Variants in TMEM81 observed in about 807,000 individuals in gnomAD.
TMEM81 encodes the protein transmembrane protein 81.
For synonymous variants in TMEM81, 132 were observed against 119.1 expected, an observed-to-expected ratio of 1.11 and a Z score of -0.71; for missense variants, 294 against 300.5, an observed-to-expected ratio of 0.98 and a Z score of 0.16.
chr1:205,083,624 C>A lies in TMEM81; in HGVS notation c.697G>T (p.Ala233Ser). Residue 233 changes from alanine to serine, a missense_variant, in exon 1 of 1, where the codon GCC becomes TCC. Coordinates refer to ENST00000367167, the MANE Select transcript of TMEM81 (RefSeq NM_203376.2). ...KVASALGIGI[A>S]IGVVGGVLVR... ...AACACGCCACCAACCACTCCAATGGCAATTCCTATTCCCAAGGCTGACGCC... is the reference window on the plus strand; with the variant it reads ...AACACGCCACCAACCACTCCAATGGAAATTCCTATTCCCAAGGCTGACGCC... 6 of 1,614,200 alleles carry A rather than the reference C, an allele frequency of 3.7e-6. No individual in the cohort carries two copies. The highest frequency in any genetic ancestry group is 4.2e-6 in the Non-Finnish European group (5 of 1,180,026).
chr1:205,083,548 A>C lies in TMEM81; in HGVS notation c.*5T>G. ...AGGAGCAAGGCTGTTAAGTTCTTGA[A>C]GCTGTCACTGCTGCAGGCCCCCCCT... On this transcript the variant is annotated 3_prime_UTR_variant, in exon 1 of 1. Coordinates refer to ENST00000367167, the MANE Select transcript of TMEM81 (RefSeq NM_203376.2). 6.3e-7 allele frequency: 1 copy of C among 1,592,418 alleles called. No individual in the cohort carries two copies. Among genetic ancestry groups the C allele is most frequent in the Non-Finnish European group, 8.6e-7 (1 of 1,167,560 alleles).
rs746966298 is a variant in TMEM81 at position 205,084,185 on chromosome 1, C to CATCA, written c.135_136insTGAT (p.Ala46Ter). The CATCA allele has an allele frequency of 1.9e-6, 3 of 1,614,200 alleles. No homozygotes were observed. In the Admixed American group the frequency reaches 5.0e-5, roughly 27 times the overall value. On this transcript the variant is annotated stop_gained and frameshift_variant, in exon 1 of 1. Coordinates refer to ENST00000367167, the MANE Select transcript of TMEM81 (RefSeq NM_203376.2). LOFTEE classifies it low-confidence loss of function (END_TRUNC). ...CCACAGGTGACAGTACAGGTTGTGG[C>CATCA]ATTGATGATAACTTTCCCCACAGCT... is the stretch of plus-strand genomic sequence containing the variant.
Position 205,084,286 on chromosome 1 carries a change from C to A in TMEM81, c.35G>T (p.Ser12Ile), listed in dbSNP as rs1266357731. 4 of 1,613,978 alleles carry A rather than the reference C, an allele frequency of 2.5e-6. No individual in the cohort carries two copies. Among genetic ancestry groups the A allele is most frequent in the South Asian group, 2.2e-5 (2 of 91,054 alleles). The part of the protein sequence containing the change: ...KVLATSFVLG[S>I]LGLAFYLPLV... ...AGGCAGGTAGAAGGCCAACCCCAGGCTCCCAAGGACAAAACTAGTGGCTAA... is the reference window on the plus strand; with the variant it reads ...AGGCAGGTAGAAGGCCAACCCCAGGATCCCAAGGACAAAACTAGTGGCTAA... The change falls in exon 1 of 1, where the codon AGC (serine) becomes ATC (isoleucine). Residue 12 changes from serine (S) to isoleucine (I), a missense_variant. Ser to Ile is a moderately radical substitution (Grantham distance 142, BLOSUM62 -2). Transcript: ENST00000367167.
rs4951168 is a variant in TMEM81, at chr1:205,084,091, C to T, written c.230G>A (p.Arg77Gln). Residue 77 changes from arginine to glutamine, a missense_variant, in exon 1 of 1, where the codon CGG becomes CAG. Physicochemically the swap from Arg to Gln is conservative, Grantham distance 43. Transcript: ENST00000367167. ...PDGVRRKCQTRRLECLTNWIC... is the reference protein window; with the variant it reads ...PDGVRRKCQTQRLECLTNWIC... ...CCAGTTGGTCAGACATTCTAAGCGC[C>T]GAGTCTGACATTTCCTTCTCACTCC... The T allele has an allele frequency of 0.86, 1,390,696 of 1,613,970 alleles. 602,838 individuals are homozygous for T. The highest frequency in any genetic ancestry group is 0.97 in the East Asian group (43,412 of 44,864).
In TMEM81 at chr1:205,084,073, G is replaced by A; in HGVS notation, c.248C>T (p.Thr83Ile). The change falls in exon 1 of 1, where the codon ACC (threonine) becomes ATC (isoleucine). Residue 83 changes from threonine (T) to isoleucine (I), a missense_variant. By Grantham distance (89) the Thr-to-Ile change is moderately conservative. Transcript: ENST00000367167. ...KCQTRRLECLTNWICGMLHFT... is the reference protein window; with the variant it reads ...KCQTRRLECLINWICGMLHFT... ...ATGGAGCATCCCACAGATCCAGTTG[G>A]TCAGACATTCTAAGCGCCGAGTCTG... 6.2e-7 allele frequency: 1 copy of A among 1,614,188 alleles called. No individual in the cohort carries two copies. The highest frequency in any genetic ancestry group is 1.1e-5 in the South Asian group (1 of 91,084).
rs569176487 is a variant in TMEM81, at chr1:205,083,846, G to A, written c.475C>T (p.Arg159Cys). The A allele has an allele frequency of 6.4e-5, 103 of 1,614,202 alleles. 2 individuals are homozygous for A. The South Asian group carries it at 9.1e-4, about 14-fold the overall frequency. Reference sequence around the variant, plus strand: ...TTTTTTACCAGCTGCACATCACAGCGATATGTCCCAGAGTCATACTCCTGA... The same window carrying A: ...TTTTTTACCAGCTGCACATCACAGCAATATGTCCCAGAGTCATACTCCTGA... ...YAQEYDSGTY[R>C]CDVQLVKNLR... The change falls in exon 1 of 1, where the codon CGC becomes TGC. Residue 159 changes from arginine to cysteine, a missense_variant. Physicochemically the swap from Arg to Cys is radical, Grantham distance 180. Coordinates refer to ENST00000367167, the MANE Select transcript of TMEM81 (RefSeq NM_203376.2).
In TMEM81 at chr1:205,083,224, G is replaced by A. The variant is rs1346952184; in HGVS notation, c.*329C>T. 9 of 288,870 alleles carry A rather than the reference G, an allele frequency of 3.1e-5. No individual in the cohort carries two copies. Among genetic ancestry groups the A allele is most frequent in the Admixed American group, 2.8e-4 (6 of 21,192 alleles). The allele number at this position is 288,870 out of a possible 1,614,324, so 17.9% of individuals were successfully genotyped here. A position where few individuals can be genotyped will look rare whatever the true frequency, so the allele number is the denominator to read the frequency against. On this transcript the variant is annotated 3_prime_UTR_variant, in exon 1 of 1. Coordinates refer to ENST00000367167, the MANE Select transcript of TMEM81 (RefSeq NM_203376.2). ...ACAGCTCAGAAGAGGGGAAATGGAG[G>A]TGGGGAGGCATCCAAGTCATAAAGG...
In TMEM81 at chr1:205,083,569, C is replaced by T. The variant is rs1486502062; in HGVS notation, c.752G>A (p.Gly251Glu). The change falls in exon 1 of 1, where the codon GGG becomes GAG. Residue 251 changes from glycine (G) to glutamate (E), a missense_variant. Transcript: ENST00000367167. ...TTGAAGCTGTCACTGCTGCAGGCCCCCCCTTAGCGCACAGAGGACAATCCT... is the reference window on the plus strand; with the variant it reads ...TTGAAGCTGTCACTGCTGCAGGCCCTCCCTTAGCGCACAGAGGACAATCCT... ...LVRIVLCALR[G>E]GLQQ is the part of the protein sequence containing the mutation. 3 of 1,605,956 alleles carry T rather than the reference C, an allele frequency of 1.9e-6. No homozygotes were observed. In the South Asian group the frequency reaches 3.3e-5, roughly 18 times the overall value.
rs1291782969 is a variant in TMEM81 at position 205,083,497 on chromosome 1, T to C, written c.*56A>G. 2 of 1,537,510 alleles carry C rather than the reference T, an allele frequency of 1.3e-6. No homozygotes were observed. Among genetic ancestry groups the C allele is most frequent in the Admixed American group, 2.0e-5 (1 of 50,212 alleles). ...TGGAACACTCCCCTAAAAAGCTAGCTTGGCTTCCTGGGCAGCCAGTTCTTC... is the reference window on the plus strand; with the variant it reads ...TGGAACACTCCCCTAAAAAGCTAGCCTGGCTTCCTGGGCAGCCAGTTCTTC... On this transcript the variant is annotated 3_prime_UTR_variant, in exon 1 of 1. Coordinates refer to ENST00000367167, the MANE Select transcript of TMEM81 (RefSeq NM_203376.2).
chr1:205,083,888 C>A lies in TMEM81; in HGVS notation c.433G>T (p.Val145Leu). 3.1e-6 allele frequency: 5 copies of A among 1,614,196 alleles called. No homozygotes were observed. Among genetic ancestry groups the A allele is most frequent in the Non-Finnish European group, 4.2e-6 (5 of 1,180,048 alleles). Residue 145 changes from valine (V) to leucine (L), a missense_variant, in exon 1 of 1, where the codon GTG becomes TTG. Val to Leu is a conservative substitution (Grantham distance 32). Coordinates refer to ENST00000367167, the MANE Select transcript of TMEM81 (RefSeq NM_203376.2). ...FKPFQANSHF[V>L]KFKYAQEYDS... Reference sequence around the variant, plus strand: ...TACTCCTGAGCATATTTAAACTTCACAAAGTGGGAGTTGGCTTGAAAGGGT... The same window carrying A: ...TACTCCTGAGCATATTTAAACTTCAAAAAGTGGGAGTTGGCTTGAAAGGGT...
chr1:205,083,621 T>A lies in TMEM81; in HGVS notation c.700A>T (p.Ile234Phe). The A allele has an allele frequency of 6.2e-7, 1 of 1,614,208 alleles. No individual in the cohort carries two copies. Among genetic ancestry groups the A allele is most frequent in the East Asian group, 2.2e-5 (1 of 44,876 alleles). Residue 234 changes from isoleucine to phenylalanine, a missense_variant, in exon 1 of 1, where the codon ATT becomes TTT. Transcript: ENST00000367167. The part of the protein sequence containing the change: ...VASALGIGIA[I>F]GVVGGVLVRI... ...ACCAACACGCCACCAACCACTCCAA[T>A]GGCAATTCCTATTCCCAAGGCTGAC...
rs758226146 is a variant in TMEM81 at position 205,083,915 on chromosome 1, TG to T, written c.405del (p.Phe135LeufsTer11). On this transcript the variant is annotated frameshift_variant, in exon 1 of 1. Transcript: ENST00000367167. LOFTEE classifies it low-confidence loss of function (END_TRUNC). The stretch of plus-strand genomic sequence containing the variant: ...AAGTGGGAGTTGGCTTGAAAGGGTT[TG>T]AAGACCTCATCGTCAGTGGAGATGA... ...RGVISTDDEV[F>X]KPFQANSHFV... 6 of 1,614,202 alleles carry T rather than the reference TG, an allele frequency of 3.7e-6. No homozygotes were observed. Among genetic ancestry groups the T allele is most frequent in the Non-Finnish European group, 4.2e-6 (5 of 1,180,036 alleles).
rs1175334928 is a variant in TMEM81 at position 205,083,727 on chromosome 1, C to A, written c.594G>T (p.Gln198His). 6.2e-7 allele frequency: 1 copy of A among 1,614,238 alleles called. No individual in the cohort carries two copies. Among genetic ancestry groups the A allele is most frequent in the Non-Finnish European group, 8.5e-7 (1 of 1,180,046 alleles). The change falls in exon 1 of 1, where the codon CAG becomes CAT. Residue 198 changes from glutamine (Q) to histidine (H), a missense_variant. Gln to His is a conservative substitution (Grantham distance 24). Coordinates refer to ENST00000367167, the MANE Select transcript of TMEM81 (RefSeq NM_203376.2). ...LNFHQSLTED[Q>H]KLIDEGLEVN... ...CTTCCAATCCCTCATCTATTAACTT[C>A]TGATCCTCAGTAAGTGACTGATGGA...
Position 205,084,368 on chromosome 1 carries a change from C to A in TMEM81, c.-48G>T, listed in dbSNP as rs754501831. 4 of 1,553,200 alleles carry A rather than the reference C, an allele frequency of 2.6e-6. No homozygotes were observed. The highest frequency in any genetic ancestry group is 1.2e-5 in the South Asian group (1 of 81,840). On this transcript the variant is annotated 5_prime_UTR_variant, in exon 1 of 1. Transcript: ENST00000367167. ...CCTCAGCCAGCACCCACAAGGTATT[C>A]CAGCTGAATCCTCTATAAATCATAA...
chr1:205,084,213 T>C lies in TMEM81; in HGVS notation c.108A>G (p.Gln36=), dbSNP rs764228489. 3.7e-6 allele frequency: 6 copies of C among 1,614,162 alleles called. No individual in the cohort carries two copies. The highest frequency in any genetic ancestry group is 1.1e-5 in the South Asian group (1 of 91,076). Residue 36 remains glutamine (Q), a synonymous_variant, in exon 1 of 1, where the codon CAA becomes CAG. Transcript: ENST00000367167. The stretch of plus-strand genomic sequence containing the variant: ...TGATGATAACTTTCCCCACAGCTTC[T>C]TGCAGCTTCTCAGGGATGGCCAGTG... ...PKTLAIPEKL[Q]EAVGKVIINA... is the part of the protein sequence containing the mutation.
chr1:205,083,733 C>G lies in TMEM81; in HGVS notation c.588G>C (p.Glu196Asp). ...VNLNFHQSLT[E>D]DQKLIDEGLE... ...ATCCCTCATCTATTAACTTCTGATC[C>G]TCAGTAAGTGACTGATGGAAATTCA... Residue 196 changes from glutamate (E) to aspartate (D), a missense_variant, in exon 1 of 1, where the codon GAG becomes GAC. Glu to Asp is a conservative substitution (Grantham distance 45, BLOSUM62 2). Transcript: ENST00000367167. 6.2e-7 allele frequency: 1 copy of G among 1,614,170 alleles called. No individual in the cohort carries two copies. Among genetic ancestry groups the G allele is most frequent in the Non-Finnish European group, 8.5e-7 (1 of 1,180,032 alleles).
chr1:205,084,353 C>CA lies in TMEM81; in HGVS notation c.-34dup. 1 of 1,592,276 alleles carries CA rather than the reference C, an allele frequency of 6.3e-7. No homozygotes were observed. The highest frequency in any genetic ancestry group is 8.6e-7 in the Non-Finnish European group (1 of 1,169,440). ...TAGGCGTTTTGCCACCCTCAGCCAGCACCCACAAGGTATTCCAGCTGAATC... is the reference window on the plus strand; with the variant it reads ...TAGGCGTTTTGCCACCCTCAGCCAGCAACCCACAAGGTATTCCAGCTGAATC... On this transcript the variant is annotated 5_prime_UTR_variant, in exon 1 of 1. An upstream open reading frame in the 5' UTR gains an earlier in-frame stop. Transcript: ENST00000367167.
At position 205,084,133 on chromosome 1, in the gene TMEM81, C is replaced by A; in HGVS notation, c.188G>T (p.Cys63Phe). ...TCTCACTCCATCAGGGCCCACCTCA[C>A]AGACGGTCTCCTCCTTATAGCCAAG... ...CGLGYKEETV[C>F]EVGPDGVRRK... is the part of the protein sequence containing the mutation. The change falls in exon 1 of 1, where the codon TGT becomes TTT. Residue 63 changes from cysteine (C) to phenylalanine (F), a missense_variant. Coordinates refer to ENST00000367167, the MANE Select transcript of TMEM81 (RefSeq NM_203376.2). The A allele has an allele frequency of 3.7e-6, 6 of 1,614,204 alleles. No individual in the cohort carries two copies. The highest frequency in any genetic ancestry group is 5.1e-6 in the Non-Finnish European group (6 of 1,180,044).
In TMEM81 at chr1:205,084,270, G is replaced by A; in HGVS notation, c.51C>T (p.Phe17=). The change falls in exon 1 of 1, where the codon TTC becomes TTT. Residue 17 remains phenylalanine, a synonymous_variant. Transcript: ENST00000367167. ...GTGTAGTCACCACCAAAGGCAGGTA[G>A]AAGGCCAACCCCAGGCTCCCAAGGA... ...SFVLGSLGLA[F]YLPLVVTTPK... 6.2e-7 allele frequency: 1 copy of A among 1,614,072 alleles called. No homozygotes were observed. Among genetic ancestry groups the A allele is most frequent in the East Asian group, 2.2e-5 (1 of 44,860 alleles).
Sources: gnomAD v4.1 joint callset for allele counts on GRCh38, gnomAD v4.1.1 for gene constraint, MANE v1.5 for transcripts, NCBI Gene and HGNC (gene_info 2026-07-23, HGNC 2026-07-21) for gene names.